Variants in BRD2 observed in about 807,000 individuals in gnomAD.
The protein encoded by BRD2 is bromodomain containing 2.
In BRD2, 15 loss-of-function variants were observed where a neutral mutation model predicts 79.1. The ratio of observed to expected loss-of-function variants is 0.19; its 90% CI spans 0.13 to 0.29. The LOEUF (loss-of-function observed/expected upper bound fraction) is 0.29. BRD2 is among the 10% of genes least tolerant of loss of function. BRD2 has a pLI of 1.00. For synonymous variants in BRD2, 488 were observed against 358.6 expected, an observed-to-expected ratio of 1.36 and a Z score of -4.08; for missense variants, 1,053 against 991.3, an observed-to-expected ratio of 1.06 and a Z score of -0.84.
rs1377690180 is a variant in BRD2, at chr6:32,972,407, C to T, written c.-492C>T. The T allele has an allele frequency of 3.4e-6, 1 of 294,108 alleles. No homozygotes were observed. Among genetic ancestry groups the T allele is most frequent in the Non-Finnish European group, 6.6e-6 (1 of 152,594 alleles). 18.2% of individuals were successfully genotyped at this position (294,108 alleles called of 1,614,324 possible). A position where few individuals can be genotyped will look rare whatever the true frequency, so the allele number is the denominator to read the frequency against. On this transcript the variant is annotated 5_prime_UTR_variant, in exon 2 of 13. Coordinates refer to ENST00000374825, the MANE Select transcript of BRD2 (RefSeq NM_005104.4). ...TCCCCTTTTTCGGGCCCCGCCCAAT[C>T]CTCGGAGTCTGTCCACCCCCTCTAC...
intron 2 of BRD2, among the ~76,000 whole-genome samples, chr6:32,973,908 C>T (rs1778367802): frequency 6.6e-6 from 1 of 152,050 alleles, no homozygotes; most frequent in Non-Finnish European, 1.5e-5. Flanking sequence ...GGTTTCTAGT[C>T]TATGTTCTGT....
chr6:32,979,061 G>GTTTTTTT (rs1561957386), intron 10 of BRD2: 3 of 78,932 alleles, frequency 3.8e-5, no homozygotes, highest in African/African-American at 8.1e-5. Context: ...TTTTTTGTTA[G>GTTTTTTT]TTTGTTTTTT....
At position 32,972,222 on chromosome 6, in the gene BRD2, G is replaced by A. The variant is rs565907199; in HGVS notation, c.-677G>A. On this transcript the variant is annotated 5_prime_UTR_variant, in exon 2 of 13. Coordinates refer to ENST00000374825, the MANE Select transcript of BRD2 (RefSeq NM_005104.4). ...CGCCATTTCGTGCTGGAGTGGAGCA[G>A]CCTCTAGAACGAGCTGGAGGATTCT... 1,153 of 516,156 alleles carry A rather than the reference G, an allele frequency of 2.2e-3. 1 individual carries two copies. Among genetic ancestry groups the A allele is most frequent in the Non-Finnish European group, 3.4e-3 (964 of 282,098 alleles). The allele number at this position is 516,156 out of a possible 1,614,324, so 32.0% of individuals were successfully genotyped here.
Position 32,977,893 on chromosome 6 carries a change from GCTC to G in BRD2, c.1470_1472del (p.Ser491del). 1 of 1,613,056 alleles carries G rather than the reference GCTC, an allele frequency of 6.2e-7. No individual in the cohort carries two copies. The highest frequency in any genetic ancestry group is 8.5e-7 in the Non-Finnish European group (1 of 1,179,996). On this transcript the variant is annotated inframe_deletion, in exon 9 of 13. Transcript: ENST00000374825. ...TCCAGTGAGGAAAGTAGCAGTGAGA[GCTC>G]CTCTGAGGAAGAGGAGGAGGAAGAT... is the stretch of plus-strand genomic sequence containing the variant.
At chr6:32,970,128 A>G (rs890281837) in intron 1 of BRD2, 3 of 152,260 alleles carry the variant, frequency 2.0e-5, no homozygotes, top group Admixed American at 6.5e-5. Context: ...TTTTTATTCC[A>G]TGGCCGGCCC....
Position 32,977,246 on chromosome 6 carries a change from A to G in BRD2, c.1201-196A>G, listed in dbSNP as rs1561947782. 3.3e-6 allele frequency: 5 copies of G among 1,537,716 alleles called. No homozygotes were observed. The East Asian group carries it at 7.3e-5, about 22-fold the overall frequency. On this transcript the variant is annotated intron_variant, in intron 7 of 12. Coordinates refer to ENST00000374825, the MANE Select transcript of BRD2 (RefSeq NM_005104.4). ...GCCACCTCTCTGTCACTTAGAAATG[A>G]TTTCTTTTTCTAGACATAAATATTT...
In BRD2 at chr6:32,978,407, C is replaced by T; in HGVS notation, c.1841+19C>T. ...GCACCAAGTGAGTTAGAGTAGGAAG[C>T]AGAGACTAGTTTGGCTATTTCTGTC... On this transcript the variant is annotated intron_variant, in intron 10 of 12. Transcript: ENST00000374825. 6.2e-7 allele frequency: 1 copy of T among 1,605,486 alleles called. No individual in the cohort carries two copies. Among genetic ancestry groups the T allele is most frequent in the East Asian group, 2.2e-5 (1 of 44,786 alleles).
In BRD2 at chr6:32,972,701, GCCAAGCTGCCCGGAGCTCT is replaced by G; in HGVS notation, c.-195_-177del. 1 of 736,796 alleles carries G rather than the reference GCCAAGCTGCCCGGAGCTCT, an allele frequency of 1.4e-6. No homozygotes were observed. The highest frequency in any genetic ancestry group is 2.7e-5 in the East Asian group (1 of 37,234). 45.6% of individuals were successfully genotyped at this position (736,796 alleles called of 1,614,324 possible). On this transcript the variant is annotated 5_prime_UTR_variant, in exon 2 of 13. Transcript: ENST00000374825. ...TTGCTGTCCGCCGTCTGCAGAGCGC[GCCAAGCTGCCCGGAGCTCT>G]CCGAGAGGCCCCAAAGAGACTGCTT...
At position 32,972,124 on chromosome 6, in the gene BRD2, C is replaced by A; in HGVS notation, c.-775C>A. ...CGGAGGGGGTGGGGAAAAGCTCAAG[C>A]AGGGTGGCGCGCATGAGCGGCGAAG... is the stretch of plus-strand genomic sequence containing the variant. On this transcript the variant is annotated 5_prime_UTR_variant, in exon 2 of 13. Transcript: ENST00000374825. The A allele has an allele frequency of 4.4e-6, 3 of 675,832 alleles. No homozygotes were observed. Among genetic ancestry groups the A allele is most frequent in the Non-Finnish European group, 8.1e-6 (3 of 370,304 alleles). 41.9% of individuals were successfully genotyped at this position (675,832 alleles called of 1,614,324 possible). A position where few individuals can be genotyped will look rare whatever the true frequency, so the allele number is the denominator to read the frequency against.
At chr6:32,980,288 A>G (rs1779346824) in intron 11 of BRD2, 54 bp from the exon 12 acceptor site, 5 of 1,604,722 alleles carry the variant, frequency 3.1e-6, no homozygotes, top group South Asian at 2.2e-5. Context: ...TTAGGGGCCC[A>G]TAATAAGATG....
intron 2 of BRD2, among the ~76,000 whole-genome samples, chr6:32,973,932 A>T (rs528414087): frequency 6.6e-6 from 1 of 151,928 alleles, no homozygotes; most frequent in East Asian, 1.9e-4. Context: ...GGCGTGAACT[A>T]CCCAGACCTT....
Position 32,975,364 on chromosome 6 carries a change from C to G in BRD2, c.334-20C>G. 6.3e-7 allele frequency: 1 copy of G among 1,588,246 alleles called. No individual in the cohort carries two copies. Among genetic ancestry groups the G allele is most frequent in the Non-Finnish European group, 8.6e-7 (1 of 1,161,838 alleles). ...AGCATTTATTTTTCTGTGGTTCTGA[C>G]CTAACATTTTTTTATTTAGGATTAT... On this transcript the variant is annotated intron_variant, in intron 3 of 12. Transcript: ENST00000374825.
rs1272542958 is a variant in BRD2 at position 32,977,988 on chromosome 6, G to A, written c.1561G>A (p.Ala521Thr). Residue 521 changes from alanine to threonine, a missense_variant, in exon 9 of 13, where the codon GCA (alanine) becomes ACA (threonine). Around this residue, in one of 5 missense-constraint regions of BRD2, gnomAD observed 454 missense variants for 430.5 expected, o/e 1.05. Transcript: ENST00000374825. ...DSEEERAHRL[A>T]ELQEQLRAVH... The stretch of plus-strand genomic sequence containing the variant: ...AGAGGAAGAAAGGGCTCATCGCTTA[G>A]CAGAACTACAGGAACAGGTATTTTG... 2.5e-6 allele frequency: 4 copies of A among 1,610,500 alleles called. No individual in the cohort carries two copies. Among genetic ancestry groups the A allele is most frequent in the Non-Finnish European group, 3.4e-6 (4 of 1,180,006 alleles).
chr6:32,974,985 C>T (rs1309337651), intron 3 of BRD2: 6 of 1,499,414 alleles, frequency 4.0e-6, no homozygotes, highest in South Asian at 1.2e-5. Flanking sequence ...TCCATGTGTC[C>T]TTCCTTAACT....
At position 32,972,315 on chromosome 6, in the gene BRD2, A is replaced by G; in HGVS notation, c.-584A>G. ...ACAATCCACCTCCATCCGCTTGGAA[A>G]TGGCCTTCGTCCCGGCCTATGACTG... is the stretch of plus-strand genomic sequence containing the variant. On this transcript the variant is annotated 5_prime_UTR_variant, in exon 2 of 13. The change abolishes an upstream ATG in the 5' untranslated region. Transcript: ENST00000374825. 1 of 386,196 alleles carries G rather than the reference A, an allele frequency of 2.6e-6. No individual in the cohort carries two copies. The highest frequency in any genetic ancestry group is 5.0e-6 in the Non-Finnish European group (1 of 201,790). The allele number at this position is 386,196 out of a possible 1,614,324, so 23.9% of individuals were successfully genotyped here. A position where few individuals can be genotyped will look rare whatever the true frequency, so the allele number is the denominator to read the frequency against.
chr6:32,974,412 T>G, intron 2 of BRD2, 50 bp from the exon 3 acceptor site: 1 of 1,561,642 alleles, frequency 6.4e-7, no homozygotes, highest in East Asian at 2.3e-5. Flanking sequence ...GCAGATGCAC[T>G]TTTTCCTCAT....
chr6:32,976,681 T>C lies in BRD2; in HGVS notation c.945T>C (p.Pro315=). 1.9e-6 allele frequency: 3 copies of C among 1,613,142 alleles called. No homozygotes were observed. In the South Asian group the frequency reaches 3.3e-5, roughly 18 times the overall value. The change falls in exon 7 of 13, where the codon CCT becomes CCC. Residue 315 remains proline (P), a synonymous_variant. Coordinates refer to ENST00000374825, the MANE Select transcript of BRD2 (RefSeq NM_005104.4). ...AGCCTAAGGCAGCACGGCTTCCCCC[T>C]ATGCGTAGAGAGAGTGGTCGCCCCA... ...SLEPKAARLP[P]MRRESGRPIK...
Position 32,969,239 on chromosome 6 carries a change from G to T in BRD2, c.-1305+183G>T, listed in dbSNP as rs535520248. 742 of 498,666 alleles carry T rather than the reference G, an allele frequency of 1.5e-3. 1 individual carries two copies. Among genetic ancestry groups the T allele is most frequent in the Non-Finnish European group, 2.6e-3 (661 of 252,784 alleles). The allele number at this position is 498,666 out of a possible 1,614,324, so 30.9% of individuals were successfully genotyped here. The stretch of plus-strand genomic sequence containing the variant: ...CGAGCGGGAGAGGGCCATGGGGGGG[G>T]AGGGGAATGGCCAGCCTCATGCCTC... On this transcript the variant is annotated intron_variant, in intron 1 of 12. Coordinates refer to ENST00000374825, the MANE Select transcript of BRD2 (RefSeq NM_005104.4).
Position 32,975,534 on chromosome 6 carries a change from G to GT in BRD2, c.471+14dup, listed in dbSNP as rs765118710. 3 of 1,611,062 alleles carry GT rather than the reference G, an allele frequency of 1.9e-6. No individual in the cohort carries two copies. The highest frequency in any genetic ancestry group is 2.5e-6 in the Non-Finnish European group (3 of 1,179,216). On this transcript the variant is annotated intron_variant, in intron 4 of 12. Transcript: ENST00000374825. ...CATTTACAACAAGGTGAGTTTTTCT[G>GT]TGTGTTCATTTAGTAGGTGGGGAGA... is the stretch of plus-strand genomic sequence containing the variant.
Sources: gnomAD v4.1 joint callset for allele counts (sites outside exome capture counted in the v4.1 genomes callset) on GRCh38, gnomAD v4.1.1 for gene constraint, gnomAD v4.1.1 regional missense constraint, MANE v1.5 for transcripts, NCBI Gene and HGNC (gene_info 2026-07-23, HGNC 2026-07-21) for gene names.